Variants in ADH7 observed in about 807,000 individuals in gnomAD.
The protein encoded by ADH7 is alcohol dehydrogenase 7 (class IV), mu or sigma polypeptide.
Under a neutral mutation model 34.4 loss-of-function variants are expected in ADH7, and 41 were observed. The observed-to-expected ratio is 1.19, with a 90% CI of 0.93 to 1.55. The LOEUF is 1.55. Among genes scored for constraint, ADH7 ranks in the 40% most tolerant of loss-of-function variants. The pLI is 0.00. For synonymous variants in ADH7, 180 were observed against 160.9 expected (o/e 1.12, Z -0.90); for missense variants, 540 against 461.2 (o/e 1.17, Z -1.56).
At position 99,428,110 on chromosome 4, in the gene ADH7, A is replaced by C. The variant is rs1379398830; in HGVS notation, c.324T>G (p.Asp108Glu). The C allele has an allele frequency of 3.1e-6, 5 of 1,613,920 alleles. No individual in the cohort carries two copies. Among genetic ancestry groups the C allele is most frequent in the Non-Finnish European group, 4.2e-6 (5 of 1,179,918 alleles). Residue 108 changes from aspartate to glutamate, a missense_variant, in exon 4 of 9, where the codon GAT (aspartate) becomes GAG (glutamate). By Grantham distance (45) the Asp-to-Glu change is conservative. Transcript: ENST00000437033. ...CRECNACRNP[D>E]GNLCIRSDIT... ...ACTCGCTCCTAATGCAAAGGTTGCC[A>C]TCTGGGTTGCGACAAGCATTGCATT...
At chr4:99,427,743 A>G in intron 5 of ADH7, 30 bp downstream of exon 5, 26 of 1,376,318 alleles carry the variant, frequency 1.9e-5, no homozygotes, top group Non-Finnish European at 2.5e-5. Context: ...GGAAAGAAGA[A>G]CAAATAAACT....
At chr4:99,434,993 C>G in intron 1 of ADH7, 1 of 1,457,354 alleles carries the variant, frequency 6.9e-7, no homozygotes. Context: ...CCACCAATGT[C>G]TTGCTGACAT....
At chr4:99,423,381 G>T (rs1477108571) in intron 5 of ADH7, among the ~76,000 whole-genome samples, 19 of 151,436 alleles carry the variant, frequency 1.3e-4, no homozygotes, top group African/African-American at 4.6e-4. Flanking sequence ...ATAGTCCTTT[G>T]GGTATATACC....
chr4:99,418,941 G>C, intron 7 of ADH7, 45 bp downstream of exon 7: 6 of 1,605,804 alleles, frequency 3.7e-6, no homozygotes, highest in Non-Finnish European at 3.4e-6. Flanking sequence ...CCAAGCACCA[G>C]AGTGAAAGCC....
rs1324328435 is a variant in ADH7, at chr4:99,413,074, T to C, written c.*74A>G. ...TTGTATTTGTGAGACAGATACATGA[T>C]TTCAGATGAGGGAACTCTCACAAGA... is the stretch of plus-strand genomic sequence containing the variant. On this transcript the variant is annotated 3_prime_UTR_variant, in exon 9 of 9. Coordinates refer to ENST00000437033, the MANE Select transcript of ADH7 (RefSeq NM_000673.7). 6 of 1,471,320 alleles carry C rather than the reference T, an allele frequency of 4.1e-6. No homozygotes were observed. The Admixed American group carries it at 1.0e-4, about 25-fold the overall frequency. The allele number at this position is 1,471,320 out of a possible 1,614,324, so 91.1% of individuals were successfully genotyped here.
intron 8 of ADH7, among the ~76,000 whole-genome samples, chr4:99,414,243 T>G (rs537980227): frequency 6.6e-6 from 1 of 152,222 alleles, no homozygotes; most frequent in South Asian, 2.1e-4. Flanking sequence ...CTTAAAAAAA[T>G]GTATGTTCAT....
chr4:99,428,706 G>A, intron 2 of ADH7, 76 bp from the exon 3 acceptor site: 3 of 1,502,350 alleles, frequency 2.0e-6, no homozygotes, highest in Non-Finnish European at 2.7e-6. Context: ...TTAACTTCTT[G>A]AAGAAATTAT....
At chr4:99,422,572 G>T (rs13146108) in intron 5 of ADH7, among the ~76,000 whole-genome samples, 1 of 151,956 alleles carries the variant, frequency 6.6e-6, no homozygotes, top group Admixed American at 6.6e-5. Flanking sequence ...CATGGCGCAC[G>T]TATACCTGTG....
At chr4:99,419,203 G>A in intron 6 of ADH7, 82 bp from the exon 7 acceptor site, 1 of 1,427,936 alleles carries the variant, frequency 7.0e-7, no homozygotes, top group East Asian at 2.5e-5. Context: ...TATGTACTAT[G>A]ACAAAGTCAT....
rs1721634909 is a variant in ADH7 at position 99,420,757 on chromosome 4, C to T, written c.601G>A (p.Gly201Arg). Residue 201 changes from glycine (G) to arginine (R), a missense_variant, in exon 6 of 9, where the codon GGA (glycine) becomes AGA (arginine). Gly to Arg is a moderately radical substitution (Grantham distance 125). Transcript: ENST00000437033. ...PGSTCVVFGL[G>R]GVGLSVIMGC... ...ATGATGACTGACAGGCCAACTCCTCCCAGGCCAAAGACGACGCAAGTGGAA... is the reference window on the plus strand; with the variant it reads ...ATGATGACTGACAGGCCAACTCCTCTCAGGCCAAAGACGACGCAAGTGGAA... The T allele has an allele frequency of 6.2e-7, 1 of 1,613,874 alleles. No individual in the cohort carries two copies. Among genetic ancestry groups the T allele is most frequent in the African/African-American group, 1.3e-5 (1 of 75,018 alleles).
At position 99,418,876 on chromosome 4, in the gene ADH7, C is replaced by T; in HGVS notation, c.961+110G>A. On this transcript the variant is annotated intron_variant, in intron 7 of 8. Transcript: ENST00000437033. ...TTATGATCACAGTTCCATTTTAGAT[C>T]ACTTCATACTCATTCTTGGAAGAAA... 3.2e-6 allele frequency: 4 copies of T among 1,268,802 alleles called. No homozygotes were observed. In the South Asian group the frequency reaches 4.5e-5, roughly 14 times the overall value. The allele number at this position is 1,268,802 out of a possible 1,614,324, so 78.6% of individuals were successfully genotyped here.
intron 5 of ADH7, among the ~76,000 whole-genome samples, chr4:99,426,641 A>G (rs992493428): frequency 6.6e-6 from 1 of 152,158 alleles, no homozygotes; most frequent in African/African-American, 2.4e-5. Flanking sequence ...ACAAGGAGGA[A>G]CTGGTACCAT....
At chr4:99,424,822 C>A (rs1443861916) in intron 5 of ADH7, among the ~76,000 whole-genome samples, 1 of 152,090 alleles carries the variant, frequency 6.6e-6, no homozygotes, top group Non-Finnish European at 1.5e-5. Flanking sequence ...CATCTGCAAA[C>A]AGGGACAATT....
intron 5 of ADH7, among the ~76,000 whole-genome samples, chr4:99,425,284 G>A (rs941362676): frequency 7.9e-5 from 12 of 152,216 alleles, no homozygotes; most frequent in Admixed American, 6.5e-4. Flanking sequence ...AAACAGTCGA[G>A]ACCCATCAGT....
Position 99,429,626 on chromosome 4 carries a change from T to G in ADH7, c.26A>C (p.Lys9Thr), listed in dbSNP as rs777817657. 8.8e-5 allele frequency: 141 copies of G among 1,607,804 alleles called. No homozygotes were observed. The highest frequency in any genetic ancestry group is 1.1e-4 in the Non-Finnish European group (133 of 1,176,482). The change falls in exon 2 of 9, where the codon AAA (lysine) becomes ACA (threonine). Residue 9 changes from lysine to threonine, a missense_variant. Transcript: ENST00000437033. ...CTCCCAAAGCACAGCTGCTTTGCAT[T>G]TAATAACCTAAGAAATAGGCAAGTA... MGTAGKVI[K>T]CKAAVLWEQK...
intron 7 of ADH7, among the ~76,000 whole-genome samples, chr4:99,418,035 G>T (rs182962722): frequency 6.6e-6 from 1 of 152,142 alleles, no homozygotes; most frequent in East Asian, 1.9e-4. Flanking sequence ...AGCTATAGGG[G>T]CAAAAAACTT....
Position 99,419,161 on chromosome 4 carries a change from T to A in ADH7, c.826-40A>T, listed in dbSNP as rs374949350. 6.9e-6 allele frequency: 11 copies of A among 1,597,256 alleles called. No homozygotes were observed. The South Asian group carries it at 9.0e-5, about 13-fold the overall frequency. ...GAGGAGATCGTTTGCTTCCTGTGTC[T>A]CTTACAGTGTGACATAAGCTCTGAA... On this transcript the variant is annotated intron_variant, in intron 6 of 8. Coordinates refer to ENST00000437033, the MANE Select transcript of ADH7 (RefSeq NM_000673.7).
chr4:99,428,090 C>T lies in ADH7; in HGVS notation c.344G>A (p.Ser115Asn), dbSNP rs1320877075. 2 of 1,613,920 alleles carry T rather than the reference C, an allele frequency of 1.2e-6. No individual in the cohort carries two copies. The highest frequency in any genetic ancestry group is 1.7e-6 in the Non-Finnish European group (2 of 1,179,860). Residue 115 changes from serine (S) to asparagine (N), a missense_variant, in exon 4 of 9, where the codon AGC (serine) becomes AAC (asparagine). By Grantham distance (46) the Ser-to-Asn change is conservative. Transcript: ENST00000437033. Reference sequence around the variant, plus strand: ...AGTAAAAATGACTGAAACCTACTCGCTCCTAATGCAAAGGTTGCCATCTGG... The same window carrying T: ...AGTAAAAATGACTGAAACCTACTCGTTCCTAATGCAAAGGTTGCCATCTGG... Reference protein sequence around the residue: ...RNPDGNLCIRSDITGRGVLAD... With the variant: ...RNPDGNLCIRNDITGRGVLAD...
rs61754859 is a variant in ADH7 at position 99,429,581 on chromosome 4, A to G, written c.71T>C (p.Ile24Thr). The G allele has an allele frequency of 1.3e-5, 21 of 1,612,534 alleles. No individual in the cohort carries two copies. The highest frequency in any genetic ancestry group is 2.2e-5 in the East Asian group (1 of 44,860). ...TGGTGGGGCAACTTCTATTTCCTCA[A>G]TGGAGAAGGGTTGCTTCTGCTCCCA... ...VLWEQKQPFS[I>T]EEIEVAPPKT... Residue 24 changes from isoleucine (I) to threonine (T), a missense_variant, in exon 2 of 9, where the codon ATT becomes ACT. Ile to Thr is a moderately conservative substitution (Grantham distance 89). Transcript: ENST00000437033.
Sources: gnomAD v4.1 joint callset for allele counts (sites outside exome capture counted in the v4.1 genomes callset) on GRCh38, gnomAD v4.1.1 for gene constraint, MANE v1.5 for transcripts, NCBI Gene and HGNC (gene_info 2026-07-23, HGNC 2026-07-21) for gene names.